ARSG: variants seen among roughly 807,000 people sequenced by gnomAD.
The protein encoded by ARSG is arylsulfatase G.
ARSG carries 37 observed loss-of-function variants against 50.5 expected under a neutral mutation model. The observed-to-expected ratio is 0.73, with a 90% CI of 0.56 to 0.96. ARSG has a LOEUF of 0.96. Ranked by LOEUF, ARSG falls within the 50% of genes least tolerant of loss-of-function variation. The pLI, the probability that ARSG is intolerant of heterozygous loss-of-function variation, is 0.00. For synonymous variants in ARSG, 225 were observed against 254.6 expected, an observed-to-expected ratio of 0.88 and a Z score of 1.11; for missense variants, 629 against 675.3, an observed-to-expected ratio of 0.93 and a Z score of 0.76.
At chr17:68,335,013 T>C (rs2077951036) in intron 2 of ARSG, among the ~76,000 whole-genome samples, 1 of 152,114 alleles carries the variant, frequency 6.6e-6, no homozygotes, top group South Asian at 2.1e-4. Context: ...TATTTATTTG[T>C]TGAGACAGGG....
chr17:68,347,038 G>T, intron 3 of ARSG, 87 bp from the exon 4 acceptor site: 1 of 1,576,168 alleles, frequency 6.3e-7, no homozygotes. Context: ...GAAGCTAATG[G>T]AGAGCTGAGT....
Position 68,304,653 on chromosome 17 carries a change from T to C in ARSG, c.-551-2290T>C, listed in dbSNP as rs138026275. Among the ~76,000 whole-genome samples the C allele has an allele frequency of 7.6e-3, 1,156 of 152,348 alleles. 12 individuals are homozygous for C. Among genetic ancestry groups the C allele is most frequent in the Non-Finnish European group, 0.01 (702 of 68,036 alleles). ...AGTGGTTCTCCTTTAATCTGCTCCA[T>C]ACACTGGATGTTCAACTGAAGCTTT... is the stretch of plus-strand genomic sequence containing the variant. On this transcript the variant is annotated intron_variant, in intron 1 of 11. Coordinates refer to ENST00000621439, the MANE Select transcript of ARSG (RefSeq NM_001267727.2).
chr17:68,415,245 C>T (rs57335299), intron 11 of ARSG, among the ~76,000 whole-genome samples: 5,230 of 152,138 alleles, frequency 0.034, 324 homozygotes, highest in African/African-American at 0.12. Flanking sequence ...GTTTGAAGAA[C>T]TTTTAAATTT....
intron 9 of ARSG, 68 bp downstream of exon 9, chr17:68,385,240 C>G: frequency 7.1e-7 from 1 of 1,415,816 alleles, no homozygotes; most frequent in South Asian, 1.2e-5. Flanking sequence ...GCATGGGTGG[C>G]TAGATGGAGG....
At chr17:68,340,578 G>A (rs771443046) in intron 2 of ARSG, among the ~76,000 whole-genome samples, 22 of 152,102 alleles carry the variant, frequency 1.4e-4, no homozygotes, top group Non-Finnish European at 3.2e-4. Context: ...GAGCCACCAC[G>A]CCAGGCCTAA....
rs780810426 is a variant in ARSG at position 68,381,512 on chromosome 17, T to C, written c.983-3552T>C. ...TTATCTAAATGAATAGTGTTTGAAA[T>C]TGAAAAGTGATTAGAAGTTTCATTT... On this transcript the variant is annotated intron_variant, in intron 8 of 11. Transcript: ENST00000621439. The surrounding 1 kb of genome is among the most constrained non-coding windows in gnomAD (Gnocchi z 4.1). Among the ~76,000 whole-genome samples the C allele has an allele frequency of 3.3e-5, 5 of 152,176 alleles. No individual in the cohort carries two copies. The highest frequency in any genetic ancestry group is 7.2e-5 in the African/African-American group (3 of 41,442).
the ARSG span, among the ~76,000 whole-genome samples, chr17:68,432,060 A>T: frequency 3.8e-3 from 574 of 152,334 alleles, 2 homozygotes; most frequent in Non-Finnish European, 5.5e-3. Context: ...AGAAAATCCT[A>T]AAAAGTGGAT....
the ARSG span, among the ~76,000 whole-genome samples, chr17:68,443,721 C>G: frequency 1.3e-5 from 2 of 152,090 alleles, no homozygotes; most frequent in Non-Finnish European, 2.9e-5. Flanking sequence ...AGCAGTTGTT[C>G]AATGATACTA....
At chr17:68,267,594 G>T (rs571877202) in intron 1 of ARSG, 1 of 152,144 alleles carries the variant, frequency 6.6e-6, no homozygotes, top group Non-Finnish European at 1.5e-5. Flanking sequence ...TAACATTAAC[G>T]ATGAATAAAG....
chr17:68,381,637 G>A lies in ARSG; in HGVS notation c.983-3427G>A, dbSNP rs774786822. 2.6e-5 allele frequency among the ~76,000 whole-genome samples: 4 copies of A among 152,310 alleles called. No homozygotes were observed. The highest frequency in any genetic ancestry group is 2.1e-4 in the South Asian group (1 of 4,830). ...TGGGCAACAGAAAGCCTGCAGTGACGATGACTATTAGCTACATTTAACTTT... is the reference window on the plus strand; with the variant it reads ...TGGGCAACAGAAAGCCTGCAGTGACAATGACTATTAGCTACATTTAACTTT... On this transcript the variant is annotated intron_variant, in intron 8 of 11. Transcript: ENST00000621439. The surrounding 1 kb of genome is among the most constrained non-coding windows in gnomAD (Gnocchi z 4.1).
intron 8 of ARSG, among the ~76,000 whole-genome samples, chr17:68,373,682 C>T (rs952655711): frequency 1.3e-5 from 2 of 152,088 alleles, no homozygotes; most frequent in African/African-American, 4.8e-5. Flanking sequence ...TTTCAGTGAC[C>T]AGATTATTTT....
chr17:68,276,806 G>A, intron 1 of ARSG, among the ~76,000 whole-genome samples: 1 of 151,990 alleles, frequency 6.6e-6, no homozygotes, highest in East Asian at 1.9e-4. Flanking sequence ...GAAAACCCTT[G>A]GCAATTATTT....
rs143630163 is a variant in ARSG, at chr17:68,266,321, G to A, written c.-552+6895G>A. On this transcript the variant is annotated intron_variant, in intron 1 of 11. Coordinates refer to the ARSG transcript ENST00000448504. ...TTTCTAAGGTGCTTTAAAATAGTTC[G>A]TATGAAACTCAACATAAAATAAAAT... Among the ~76,000 whole-genome samples the A allele has an allele frequency of 6.3e-3, 937 of 148,590 alleles. 6 individuals carry two copies. The highest frequency in any genetic ancestry group is 0.022 in the African/African-American group (882 of 40,112).
the ARSG span, chr17:68,450,646 C>A: frequency 1.3e-6 from 2 of 1,499,502 alleles, no homozygotes; most frequent in Non-Finnish European, 1.8e-6. Context: ...GTTTTACAGA[C>A]ATTGATCTTG....
chr17:68,339,796 G>A (rs2078187705), intron 2 of ARSG, among the ~76,000 whole-genome samples: 2 of 152,202 alleles, frequency 1.3e-5, no homozygotes, highest in South Asian at 4.1e-4. Flanking sequence ...ATCAGGAGAT[G>A]TACGAGGTCA....
intron 11 of ARSG, among the ~76,000 whole-genome samples, chr17:68,413,201 T>G (rs1162370281): frequency 1.3e-5 from 2 of 152,198 alleles, no homozygotes; most frequent in Admixed American, 6.5e-5. Flanking sequence ...GGCGCTCTGC[T>G]TTTTAGAGTT....
At chr17:68,264,458 A>C (rs1320999941) in intron 1 of ARSG, among the ~76,000 whole-genome samples, 1 of 149,592 alleles carries the variant, frequency 6.7e-6, no homozygotes, top group African/African-American at 2.5e-5. Flanking sequence ...TTTTTTTTTG[A>C]GTTGGAGTTT....
chr17:68,319,207 T>A (rs1479170747), intron 2 of ARSG, among the ~76,000 whole-genome samples: 13 of 152,148 alleles, frequency 8.5e-5, no homozygotes, highest in African/African-American at 3.1e-4. Flanking sequence ...TGACAGTAAC[T>A]CAGATTCAGG....
chr17:68,346,926 C>T, intron 3 of ARSG, 199 bp from the exon 4 acceptor site: 9 of 1,500,140 alleles, frequency 6.0e-6, no homozygotes, highest in Non-Finnish European at 8.0e-6. Context: ...AGTCTGGGGT[C>T]ATCCTTTATG....
Sources: gnomAD v4.1 joint callset for allele counts (sites outside exome capture counted in the v4.1 genomes callset) on GRCh38, gnomAD v4.1.1 for gene constraint, Gnocchi (gnomAD v3.1) non-coding constraint, MANE v1.5 for transcripts, NCBI Gene and HGNC (gene_info 2026-07-23, HGNC 2026-07-21) for gene names.